MPP4: variants seen among roughly 807,000 people sequenced by gnomAD.
MPP4 encodes MAGUK p55 subfamily member 4.
A neutral mutation model predicts 98.3 loss-of-function variants in MPP4; 91 were observed. That is an observed-to-expected ratio of 0.93 (90% confidence interval 0.78 to 1.10). The LOEUF (loss-of-function observed/expected upper bound fraction) is 1.10. MPP4 is among the 50% of genes least tolerant of loss of function. The pLI is 0.00. For synonymous variants in MPP4, 261 were observed against 271.8 expected (o/e 0.96, Z 0.39); for missense variants, 744 against 792.9 (o/e 0.94, Z 0.74).
intron 2 of MPP4, 131 bp downstream of exon 2, chr2:201,693,745 T>G: frequency 9.0e-7 from 1 of 1,106,720 alleles, no homozygotes; most frequent in Non-Finnish European, 1.4e-6. Context: ...AGGGCAGTAG[T>G]GCAACCAAAA....
intron 8 of MPP4, 73 bp from the exon 9 acceptor site, chr2:201,681,640 T>C: frequency 1.8e-6 from 2 of 1,087,358 alleles, no homozygotes; most frequent in Non-Finnish European, 2.8e-6. Context: ...TGGACAGAGT[T>C]ACAGTGCAAT....
chr2:201,673,177 C>A (rs1190966349), intron 11 of MPP4, among the ~76,000 whole-genome samples: 33 of 152,122 alleles, frequency 2.2e-4, no homozygotes, highest in Non-Finnish European at 1.5e-4. Context: ...CCCCCTCATG[C>A]TAAAAACTCT....
At position 201,654,908 on chromosome 2, in the gene MPP4, C is replaced by A; in HGVS notation, c.1310G>T (p.Gly437Val). 1 of 1,600,820 alleles carries A rather than the reference C, an allele frequency of 6.2e-7. No homozygotes were observed. The highest frequency in any genetic ancestry group is 8.5e-7 in the Non-Finnish European group (1 of 1,173,388). The change falls in exon 18 of 22, where the codon GGT becomes GTT. Residue 437 changes from glycine (G) to valine (V), a missense_variant. Gly to Val is a moderately radical substitution (Grantham distance 109). Transcript: ENST00000409474. Reference sequence around the variant, plus strand: ...TCTTCTGAGCTCATTTACTCCAACACCAGAGGGTCCTAAACACAAAAAGTC... The same window carrying A: ...TCTTCTGAGCTCATTTACTCCAACAACAGAGGGTCCTAAACACAAAAAGTC... ...YRLIVLMGPS[G>V]VGVNELRRQL...
rs13430814 is a variant in MPP4 at position 201,649,934 on chromosome 2, T to G, written c.1475+138A>C. 3 of 870,944 alleles carry G rather than the reference T, an allele frequency of 3.4e-6. No individual in the cohort carries two copies. The African/African-American group carries it at 5.1e-5, about 15-fold the overall frequency. 54.0% of individuals were successfully genotyped at this position (870,944 alleles called of 1,614,324 possible). ...ACCCAGTGAGTTGGTGTGCTGTATA[T>G]CGATGTACATTTCTTGCTTAACTCC... is the stretch of plus-strand genomic sequence containing the variant. On this transcript the variant is annotated intron_variant, in intron 19 of 21. Coordinates refer to ENST00000409474, the MANE Select transcript of MPP4 (RefSeq NM_033066.3).
At chr2:201,649,513 G>A in intron 20 of MPP4, 63 bp downstream of exon 20, 3 of 1,209,684 alleles carry the variant, frequency 2.5e-6, no homozygotes, top group South Asian at 1.3e-5. Flanking sequence ...TACAGCATGT[G>A]CACAAAAAAT....
chr2:201,664,339 C>T (rs1482916879), intron 13 of MPP4: 1 of 1,417,760 alleles, frequency 7.1e-7, no homozygotes, highest in East Asian at 3.3e-5. Context: ...AGCAGGAGCT[C>T]AAAATAAATA....
chr2:201,670,444 C>T (rs1271737803), intron 11 of MPP4, among the ~76,000 whole-genome samples: 1 of 152,148 alleles, frequency 6.6e-6, no homozygotes, highest in African/African-American at 2.4e-5. Flanking sequence ...CCCTTTAAGT[C>T]AGTGGCTCCA....
chr2:201,652,509 C>A (rs943462334), intron 18 of MPP4, among the ~76,000 whole-genome samples: 2 of 152,186 alleles, frequency 1.3e-5, no homozygotes, highest in African/African-American at 4.8e-5. Flanking sequence ...ATGACTCTTT[C>A]ACTCAGGTTT....
chr2:201,659,132 G>C (rs1422510069), intron 15 of MPP4, among the ~76,000 whole-genome samples: 1 of 152,038 alleles, frequency 6.6e-6, no homozygotes, highest in Non-Finnish European at 1.5e-5. Context: ...CTGACCTCAG[G>C]TGATCCACCC....
At chr2:201,678,681 C>G (rs1688584038) in intron 10 of MPP4, among the ~76,000 whole-genome samples, 1 of 152,116 alleles carries the variant, frequency 6.6e-6, no homozygotes, top group East Asian at 1.9e-4. Context: ...TCACATGGCT[C>G]CAGCACATCC....
rs1335069055 is a variant in MPP4, at chr2:201,669,822, T to C, written c.995-72A>G. The C allele has an allele frequency of 6.0e-6, 7 of 1,171,240 alleles. No individual in the cohort carries two copies. In the Admixed American group the frequency reaches 1.6e-4, roughly 27 times the overall value. The allele number at this position is 1,171,240 out of a possible 1,614,324, so 72.6% of individuals were successfully genotyped here. On this transcript the variant is annotated intron_variant, in intron 11 of 21. Transcript: ENST00000409474. ...GTATCTGTACTATATTTTCTCAGATTAATTTACAATAAGAAATGTAATGTG... is the reference window on the plus strand; with the variant it reads ...GTATCTGTACTATATTTTCTCAGATCAATTTACAATAAGAAATGTAATGTG...
chr2:201,681,453 G>T (rs1688663831), intron 9 of MPP4, 43 bp downstream of exon 9: 12 of 1,460,790 alleles, frequency 8.2e-6, no homozygotes, highest in Non-Finnish European at 1.2e-5. Context: ...CTGTTACTTG[G>T]GGATTTACTG....
intron 6 of MPP4, 85 bp downstream of exon 6, chr2:201,685,834 C>A: frequency 6.6e-7 from 1 of 1,520,358 alleles, no homozygotes; most frequent in Admixed American, 1.7e-5. Context: ...GGCAAGGCTA[C>A]TGCCCAAGTA....
chr2:201,649,428 G>T, intron 20 of MPP4, 148 bp downstream of exon 20: 1 of 600,942 alleles, frequency 1.7e-6, no homozygotes, highest in Non-Finnish European at 2.9e-6. Context: ...CAATTGACAC[G>T]TTAAGTAAGA....
At chr2:201,676,030 A>G (rs1688498728) in intron 10 of MPP4, among the ~76,000 whole-genome samples, 1 of 152,246 alleles carries the variant, frequency 6.6e-6, no homozygotes, top group Non-Finnish European at 1.5e-5. Flanking sequence ...CATTTTAATA[A>G]GAGCCCAGGT....
rs546276689 is a variant in MPP4 at position 201,667,352 on chromosome 2, C to T, written c.1013-980G>A. 5.9e-5 allele frequency among the ~76,000 whole-genome samples: 9 copies of T among 152,260 alleles called. No homozygotes were observed. In the South Asian group the frequency reaches 1.9e-3, roughly 32 times the overall value. ...TCCCAAACACTGATCAGAATGAATA[C>T]CCCCTTGCAGAGCATTTTCTTCCTA... On this transcript the variant is annotated intron_variant, in intron 12 of 21. Transcript: ENST00000409474.
intron 10 of MPP4, among the ~76,000 whole-genome samples, chr2:201,676,536 A>T (rs1574623842): frequency 6.6e-6 from 1 of 152,218 alleles, no homozygotes; most frequent in East Asian, 1.9e-4. Context: ...ATTAGCATGG[A>T]CATGCAGGGC....
intron 7 of MPP4, among the ~76,000 whole-genome samples, chr2:201,683,594 C>CA (rs137873602): frequency 0.027 from 4,130 of 151,568 alleles, 175 homozygotes; most frequent in African/African-American, 0.094. Flanking sequence ...ACTAAAAATA[C>CA]AAAAAAAATT....
intron 11 of MPP4, among the ~76,000 whole-genome samples, chr2:201,670,748 T>G (rs1164868602): frequency 6.6e-6 from 1 of 152,198 alleles, no homozygotes; most frequent in African/African-American, 2.4e-5. Context: ...ATGTTTCTGA[T>G]AAGATGTTAA....
Sources: allele counts gnomAD v4.1 joint callset (sites outside exome capture counted in the v4.1 genomes callset), GRCh38; gene constraint gnomAD v4.1.1; transcripts MANE v1.5; gene names NCBI Gene and HGNC (gene_info 2026-07-23, HGNC 2026-07-21).